The following DNAI7 variants were observed in gnomAD, a reference collection of about 807,000 sequenced individuals.
DNAI7 encodes dynein axonemal intermediate chain 7, also known as cancer susceptibility 1.
Under a neutral mutation model 86.6 loss-of-function variants are expected in DNAI7, and 78 were observed. That is an observed-to-expected ratio of 0.90 (90% CI 0.75 to 1.09). DNAI7 has a LOEUF of 1.09. Ranked by LOEUF, DNAI7 falls within the 50% of genes least tolerant of loss-of-function variation. The pLI is 0.00. For missense variants in DNAI7, 753 were observed against 810.2 expected, an observed-to-expected ratio of 0.93 and a Z score of 0.86; for synonymous variants, 274 against 273.0, an observed-to-expected ratio of 1.00 and a Z score of -0.04.
chr12:25,180,163 C>A (rs753275564), intron 2 of DNAI7, among the ~76,000 whole-genome samples: 1 of 152,098 alleles, frequency 6.6e-6, no homozygotes, highest in Non-Finnish European at 1.5e-5. Context: ...AGAAGCAAAT[C>A]AAGAACTCAA....
chr12:25,167,879 T>C (rs555691266), intron 2 of DNAI7, among the ~76,000 whole-genome samples: 1 of 152,216 alleles, frequency 6.6e-6, no homozygotes, highest in East Asian at 1.9e-4. Context: ...TGGCTGCTCC[T>C]TTATGTATCT....
At chr12:25,120,273 T>C (rs1183338134) in intron 11 of DNAI7, among the ~76,000 whole-genome samples, 1 of 137,846 alleles carries the variant, frequency 7.3e-6, no homozygotes, top group Non-Finnish European at 1.6e-5. Flanking sequence ...TGTACAGGTG[T>C]GTTAGGGGAG....
In DNAI7 at chr12:25,108,569, G is replaced by A; in HGVS notation, c.2148C>T (p.Thr716=). The change falls in exon 16 of 16, where the codon ACC becomes ACT. Residue 716 remains threonine (T), a synonymous_variant. Coordinates refer to ENST00000395987, the MANE Select transcript of DNAI7 (RefSeq NM_018272.5). ...GAGGTTAGGAGTAGCTGAGCAATCT[G>A]GTAGAGAGCAGCATGTGGCACACAG... ...VNSVCHMLLS[T]RLLSYS 1 of 1,613,460 alleles carries A rather than the reference G, an allele frequency of 6.2e-7. No individual in the cohort carries two copies. The highest frequency in any genetic ancestry group is 8.5e-7 in the Non-Finnish European group (1 of 1,179,704).
intron 9 of DNAI7, among the ~76,000 whole-genome samples, chr12:25,130,248 T>G (rs756197372): frequency 1.9e-4 from 29 of 152,104 alleles, no homozygotes; most frequent in Non-Finnish European, 2.4e-4. Flanking sequence ...ATATAAAATA[T>G]TTATATGGGC....
intron 6 of DNAI7, among the ~76,000 whole-genome samples, chr12:25,151,319 TA>T (rs1342700384): frequency 6.6e-6 from 1 of 152,180 alleles, no homozygotes; most frequent in Non-Finnish European, 1.5e-5. Flanking sequence ...AAGCACTATA[TA>T]AGAGTTTATT....
chr12:25,154,404 T>C lies in DNAI7; in HGVS notation c.353A>G (p.Glu118Gly), dbSNP rs913970883. ...DGSPDPSVAQ[E>G]MNTFISLWKE... ...CCACAAACTAATAAACGTGTTCATT[T>C]CTTGGGCTACTGAAGGATCAGGACT... is the stretch of plus-strand genomic sequence containing the variant. Residue 118 changes from glutamate to glycine, a missense_variant, in exon 6 of 16, where the codon GAA (glutamate) becomes GGA (glycine). Transcript: ENST00000395987. The C allele has an allele frequency of 1.9e-6, 3 of 1,611,528 alleles. No individual in the cohort carries two copies. The highest frequency in any genetic ancestry group is 2.7e-5 in the African/African-American group (2 of 74,846).
At position 25,144,629 on chromosome 12, in the gene DNAI7, T is replaced by G. The variant is rs764591874; in HGVS notation, c.738A>C (p.Pro246=). ...FSETQIGFEI[P]RILATSDIAV... The stretch of plus-strand genomic sequence containing the variant: ...CAATGTCACTTGTTGCTAATATCCT[T>G]GGAATCTCAAATCCAATTTGTGTTT... Residue 246 remains proline (P), a synonymous_variant, in exon 9 of 16, where the codon CCA becomes CCC. Transcript: ENST00000395987. The G allele has an allele frequency of 1.9e-6, 3 of 1,614,032 alleles. No individual in the cohort carries two copies. The Admixed American group carries it at 5.0e-5, about 27-fold the overall frequency.
intron 2 of DNAI7, among the ~76,000 whole-genome samples, chr12:25,165,399 C>G (rs1359443000): frequency 2.0e-5 from 3 of 152,334 alleles, no homozygotes; most frequent in East Asian, 3.9e-4. Flanking sequence ...ACTCTAGAAC[C>G]TCCTCCCCCA....
intron 13 of DNAI7, among the ~76,000 whole-genome samples, chr12:25,113,529 T>G (rs1397232822): frequency 6.6e-6 from 1 of 152,122 alleles, no homozygotes; most frequent in African/African-American, 2.4e-5. Flanking sequence ...CTCAAACTCC[T>G]GACCTCACGA....
chr12:25,146,864 C>T lies in DNAI7; in HGVS notation c.689+137G>A, dbSNP rs1289036686. On this transcript the variant is annotated intron_variant, in intron 8 of 15. Coordinates refer to ENST00000395987, the MANE Select transcript of DNAI7 (RefSeq NM_018272.5). ...GAAAATGGCGGGTTTCTGATTCAAC[C>T]CTTAGTGGGCTAACTTCCTGAAATG... 5.2e-6 allele frequency: 3 copies of T among 582,064 alleles called. No homozygotes were observed. In the East Asian group the frequency reaches 8.8e-5, roughly 17 times the overall value. 36.1% of individuals were successfully genotyped at this position (582,064 alleles called of 1,614,324 possible).
intron 2 of DNAI7, among the ~76,000 whole-genome samples, chr12:25,163,751 C>T (rs985821657): frequency 6.6e-6 from 1 of 152,220 alleles, no homozygotes; most frequent in African/African-American, 2.4e-5. Context: ...CAAGGAACAT[C>T]TCACCAATTT....
rs1261279295 is a variant in DNAI7, at chr12:25,147,395, TA to T, written c.586-292del. Among the ~76,000 whole-genome samples the T allele has an allele frequency of 2.4e-3, 361 of 152,278 alleles. 3 individuals carry two copies. Among genetic ancestry groups the T allele is most frequent in the Non-Finnish European group, 1.3e-3 (89 of 68,012 alleles). The stretch of plus-strand genomic sequence containing the variant: ...GGTTGGGTGAGGTGGCTCATACCTG[TA>T]ATCTGAGCACTTTGGTAGGCCAAGT... On this transcript the variant is annotated intron_variant, in intron 7 of 15. Coordinates refer to ENST00000395987, the MANE Select transcript of DNAI7 (RefSeq NM_018272.5).
At chr12:25,170,251 TGTG>T (rs1429019187) in intron 2 of DNAI7, among the ~76,000 whole-genome samples, 1 of 151,526 alleles carries the variant, frequency 6.6e-6, no homozygotes, top group Non-Finnish European at 1.5e-5. Context: ...ATTACCCTGG[TGTG>T]GTGGTGGGTG....
Position 25,123,059 on chromosome 12 carries a change from T to C in DNAI7, c.1078+152A>G, listed in dbSNP as rs1337447105. Reference sequence around the variant, plus strand: ...GGGATAAATTGAGCAAAGAAATCTGTTAACACTGGTATCTCAGAAAAGGGA... The same window carrying C: ...GGGATAAATTGAGCAAAGAAATCTGCTAACACTGGTATCTCAGAAAAGGGA... On this transcript the variant is annotated intron_variant, in intron 10 of 15. Transcript: ENST00000395987. 8.6e-6 allele frequency: 5 copies of C among 581,756 alleles called. No homozygotes were observed. In the East Asian group the frequency reaches 1.5e-4, roughly 18 times the overall value. 36.0% of individuals were successfully genotyped at this position (581,756 alleles called of 1,614,324 possible).
At chr12:25,167,375 T>C (rs1400519330) in intron 2 of DNAI7, among the ~76,000 whole-genome samples, 1 of 152,174 alleles carries the variant, frequency 6.6e-6, no homozygotes, top group African/African-American at 2.4e-5. Context: ...TAACTCCCTC[T>C]TAGAGTGGAT....
chr12:25,193,170 A>T (rs1457362068), intron 1 of DNAI7, among the ~76,000 whole-genome samples: 1 of 151,992 alleles, frequency 6.6e-6, no homozygotes, highest in Non-Finnish European at 1.5e-5. Context: ...AAGAAAAAAA[A>T]TTCATACGTT....
chr12:25,173,927 C>A (rs1948443641), intron 2 of DNAI7, among the ~76,000 whole-genome samples: 1 of 7,702 alleles, frequency 1.3e-4, no homozygotes, highest in Admixed American at 9.6e-4. Context: ...ATATATATAT[C>A]ATATATAATC....
chr12:25,171,592 A>G (rs974935001), intron 2 of DNAI7, among the ~76,000 whole-genome samples: 1 of 152,170 alleles, frequency 6.6e-6, no homozygotes, highest in Admixed American at 6.6e-5. Flanking sequence ...CAAGATAGAG[A>G]AAGAAGGAAC....
chr12:25,110,262 G>C (rs749816297), intron 14 of DNAI7, 22 bp from the exon 15 acceptor site: 2 of 1,365,948 alleles, frequency 1.5e-6, no homozygotes, highest in Non-Finnish European at 2.1e-6. Context: ...AAAACAAATA[G>C]AATTGATCTT....
Sources: allele counts gnomAD v4.1 joint callset (sites outside exome capture counted in the v4.1 genomes callset), GRCh38; gene constraint gnomAD v4.1.1; transcripts MANE v1.5; gene names NCBI Gene and HGNC (gene_info 2026-07-23, HGNC 2026-07-21).